Variants in AZIN2 observed in about 807,000 individuals in gnomAD.
The protein encoded by AZIN2 is ODC antizyme inhibitor-2.
In AZIN2, 28 loss-of-function variants were observed where a neutral mutation model predicts 47.8. The observed-to-expected ratio is 0.59, with a 90% CI of 0.43 to 0.80. AZIN2 has a LOEUF of 0.80. AZIN2 is among the 30% of genes least tolerant of loss of function. The pLI is 0.00. For missense variants in AZIN2, 535 were observed against 582.5 expected, an observed-to-expected ratio of 0.92 and a Z score of 0.84; for synonymous variants, 221 against 239.4, an observed-to-expected ratio of 0.92 and a Z score of 0.71.
At chr1:33,134,496 C>T in the AZIN2 span, among the ~76,000 whole-genome samples, 2 of 152,046 alleles carry the variant, frequency 1.3e-5, no homozygotes, top group Non-Finnish European at 2.9e-5. Flanking sequence ...AAATGGAGGG[C>T]CTTTAAAGGA....
intron 5 of AZIN2, among the ~76,000 whole-genome samples, chr1:33,085,298 A>G (rs1641765583): frequency 6.6e-6 from 1 of 152,096 alleles, no homozygotes; most frequent in Admixed American, 6.6e-5. Flanking sequence ...CTGTAGAGAG[A>G]AAGCAGGAAA....
chr1:33,095,911 C>T (rs999762355), intron 8 of AZIN2, among the ~76,000 whole-genome samples: 6 of 152,280 alleles, frequency 3.9e-5, no homozygotes, highest in Middle Eastern at 3.4e-3. Context: ...AATCTTGGCT[C>T]ACTGCAACCT....
At position 33,113,777 on chromosome 1, in the gene AZIN2, T is replaced by C. The variant is rs567940451; in HGVS notation, c.1030-4125T>C. On this transcript the variant is annotated intron_variant, in intron 10 of 11. Transcript: ENST00000294517. This position sits in a 1 kb window ranked among gnomAD's most constrained non-coding sequence, Gnocchi z 4.1. ...GTATCTCAATGAAGTCAGAGTTGGA[T>C]CATTATTTAAAATAGTCTCTCTTCA... 6.6e-5 allele frequency among the ~76,000 whole-genome samples: 10 copies of C among 152,250 alleles called. No individual in the cohort carries two copies. The highest frequency in any genetic ancestry group is 1.3e-4 in the Non-Finnish European group (9 of 68,048).
chr1:33,149,674 C>G, the AZIN2 span, among the ~76,000 whole-genome samples: 2 of 149,816 alleles, frequency 1.3e-5, no homozygotes, highest in Middle Eastern at 3.6e-3. Flanking sequence ...AGGCTGGTCT[C>G]GAACTCCTGG....
chr1:33,142,498 A>G, the AZIN2 span: 1 of 152,296 alleles, frequency 6.6e-6, no homozygotes, highest in Admixed American at 6.5e-5. Flanking sequence ...GGCCCTGGCA[A>G]TTAATCAACT....
At position 33,088,298 on chromosome 1, in the gene AZIN2, G is replaced by A. The variant is rs112916249; in HGVS notation, c.280-3752G>A. Among the ~76,000 whole-genome samples, 4 of 152,166 alleles carry A rather than the reference G, an allele frequency of 2.6e-5. 1 individual carries two copies. Among genetic ancestry groups the A allele is most frequent in the African/African-American group, 9.6e-5 (4 of 41,496 alleles). ...TCTGCTGGGTGTGGGAGTTCCCTCT[G>A]ACGTCCTCGTCCTCATCACCACATG... is the stretch of plus-strand genomic sequence containing the variant. On this transcript the variant is annotated intron_variant, in intron 5 of 11. Coordinates refer to ENST00000294517, the MANE Select transcript of AZIN2 (RefSeq NM_052998.4).
chr1:33,105,540 G>A (rs1450144376), intron 10 of AZIN2, among the ~76,000 whole-genome samples: 1 of 152,198 alleles, frequency 6.6e-6, no homozygotes, highest in East Asian at 1.9e-4. Context: ...TTACATGGCT[G>A]CAGGAGGGAG....
the AZIN2 span, among the ~76,000 whole-genome samples, chr1:33,138,155 G>A: frequency 6.6e-6 from 1 of 152,160 alleles, no homozygotes; most frequent in East Asian, 1.9e-4. Context: ...GTTACACCCT[G>A]GAGCAAGAGC....
chr1:33,123,073 T>C lies in AZIN2; in HGVS notation c.*2891T>C, dbSNP rs1644824609. ...CTCTGTTCTTCAAACACTCCACTGC[T>C]GGGCATGCATTTACTGTCCCCTCTC... On this transcript the variant is annotated 3_prime_UTR_variant, in exon 12 of 12. Coordinates refer to ENST00000294517, the MANE Select transcript of AZIN2 (RefSeq NM_052998.4). 6.6e-6 allele frequency among the ~76,000 whole-genome samples: 1 copy of C among 152,236 alleles called. No homozygotes were observed. The highest frequency in any genetic ancestry group is 2.4e-5 in the African/African-American group (1 of 41,452).
intron 5 of AZIN2, among the ~76,000 whole-genome samples, chr1:33,089,503 G>T (rs2124496366): frequency 6.6e-6 from 1 of 152,298 alleles, no homozygotes; most frequent in South Asian, 2.1e-4. Context: ...AAGTGCTAAA[G>T]TGCTAACACT....
chr1:33,164,240 T>G, the AZIN2 span: 1 of 152,258 alleles, frequency 6.6e-6, no homozygotes, highest in Non-Finnish European at 1.5e-5. Context: ...GACCCCACAG[T>G]GGGTTGGTGG....
the AZIN2 span, chr1:33,159,600 A>G: frequency 3.4e-6 from 5 of 1,481,778 alleles, no homozygotes; most frequent in African/African-American, 7.0e-5. The surrounding 1 kb of genome is among the most constrained non-coding windows in gnomAD (Gnocchi z 4.2). Context: ...TTCTCTGCTA[A>G]GGATCCCATC....
chr1:33,085,009 T>C (rs1258076048), intron 5 of AZIN2, among the ~76,000 whole-genome samples: 1 of 152,246 alleles, frequency 6.6e-6, no homozygotes, highest in African/African-American at 2.4e-5. Flanking sequence ...TAGACTGCTG[T>C]CCTTGAGTTG....
At chr1:33,090,485 A>C (rs1402023236) in intron 5 of AZIN2, among the ~76,000 whole-genome samples, 1 of 152,260 alleles carries the variant, frequency 6.6e-6, no homozygotes, top group Non-Finnish European at 1.5e-5. Context: ...AGGGCCGTGC[A>C]CAGAGTAGGC....
chr1:33,099,633 C>A (rs932031906), intron 10 of AZIN2, among the ~76,000 whole-genome samples: 1 of 152,212 alleles, frequency 6.6e-6, no homozygotes, highest in Non-Finnish European at 1.5e-5. Context: ...GCCACGCCCC[C>A]CACCGGGATC....
chr1:33,118,200 T>C (rs1644651233), intron 11 of AZIN2, 84 bp downstream of exon 11: 28 of 1,395,132 alleles, frequency 2.0e-5, no homozygotes, highest in Admixed American at 2.7e-5. Context: ...ATTCTGCTTC[T>C]GTGTAATCCA....
intron 9 of AZIN2, 178 bp downstream of exon 9, chr1:33,097,047 C>T: frequency 1.5e-6 from 1 of 686,796 alleles, no homozygotes. Flanking sequence ...ATTTATTTAG[C>T]ATCTTTTTTC....
chr1:33,156,415 C>T, the AZIN2 span, among the ~76,000 whole-genome samples: 30 of 152,332 alleles, frequency 2.0e-4, no homozygotes, highest in African/African-American at 6.5e-4. Flanking sequence ...ATAGTCTCTT[C>T]TGGGTTCTCC....
the AZIN2 span, among the ~76,000 whole-genome samples, chr1:33,136,289 CCTTTCTTTCTTTTTCTTTCTTT>C: frequency 6.7e-6 from 1 of 149,532 alleles, no homozygotes; most frequent in Non-Finnish European, 1.5e-5. Context: ...CTCTTCCTTT[CCTTTCTTTCTTTTTCTTTCTTT>C]CTTTCTTTTT....
Sources: allele counts gnomAD v4.1 joint callset (sites outside exome capture counted in the v4.1 genomes callset), GRCh38; gene constraint gnomAD v4.1.1; non-coding constraint Gnocchi (gnomAD v3.1); transcripts MANE v1.5; gene names NCBI Gene and HGNC (gene_info 2026-07-23, HGNC 2026-07-21).